COG6: variants seen among roughly 807,000 people sequenced by gnomAD.
COG6 encodes conserved oligomeric Golgi complex subunit 6.
COG6 carries 74 observed loss-of-function variants against 88.8 expected under a neutral mutation model. The ratio of observed to expected loss-of-function variants is 0.83; its 90% CI spans 0.69 to 1.01. The LOEUF (loss-of-function observed/expected upper bound fraction) is 1.01. Among genes scored for constraint, COG6 ranks in the 50% least tolerant of loss-of-function variants. The probability of loss-of-function intolerance (pLI) is 0.00; values close to 1 mark genes in which losing one functional copy is unlikely to be tolerated. For synonymous variants in COG6, 286 were observed against 278.7 expected (o/e 1.03, Z -0.26); for missense variants, 800 against 797.9 (o/e 1.00, Z -0.03).
chr13:39,704,260 T>C lies in COG6; in HGVS notation c.1284+4642T>C, dbSNP rs117519420. On this transcript the variant is annotated intron_variant, in intron 13 of 18. Coordinates refer to ENST00000455146, the MANE Select transcript of COG6 (RefSeq NM_020751.3). ...TGACTCCTGAACAACATGGGAGTTA[T>C]GATGCTGACCCCTGTGAAGTTGAAA... 1.7e-3 allele frequency among the ~76,000 whole-genome samples: 263 copies of C among 152,298 alleles called. 1 individual carries two copies. The highest frequency in any genetic ancestry group is 3.4e-3 in the Middle Eastern group (1 of 294).
At chr13:39,782,713 T>C (rs1270007351) in intron 18 of COG6, among the ~76,000 whole-genome samples, 3 of 151,886 alleles carry the variant, frequency 2.0e-5, no homozygotes, top group Admixed American at 6.6e-5. Flanking sequence ...AGGGGCTGCC[T>C]CCCCCCATCA....
In COG6 at chr13:39,752,582, T is replaced by G; in HGVS notation, c.*1489T>G. 3.2e-6 allele frequency: 4 copies of G among 1,263,442 alleles called. No homozygotes were observed. The South Asian group carries it at 5.2e-5, about 16-fold the overall frequency. The allele number at this position is 1,263,442 out of a possible 1,614,324, so 78.3% of individuals were successfully genotyped here. ...AATTCCTTTGTTTTATAGGGAAAAT[T>G]TATTGTGCTTTTTACCTGGTTTTTT... On this transcript the variant is annotated 3_prime_UTR_variant, in exon 19 of 19. Coordinates refer to ENST00000455146, the MANE Select transcript of COG6 (RefSeq NM_020751.3).
At chr13:39,727,025 A>G (rs1209592763) in intron 17 of COG6, among the ~76,000 whole-genome samples, 1 of 152,008 alleles carries the variant, frequency 6.6e-6, no homozygotes, top group East Asian at 1.9e-4. Flanking sequence ...GAAGCTAGGG[A>G]CTATCCTTTT....
At chr13:39,768,397 C>T (rs914727125) in intron 18 of COG6, among the ~76,000 whole-genome samples, 1 of 152,186 alleles carries the variant, frequency 6.6e-6, no homozygotes, top group Non-Finnish European at 1.5e-5. Context: ...AATTTCCTGG[C>T]CCACCCAGTG....
intron 4 of COG6, among the ~76,000 whole-genome samples, chr13:39,668,891 C>G (rs921165316): frequency 6.6e-6 from 1 of 152,012 alleles, no homozygotes; most frequent in African/African-American, 2.4e-5. Context: ...AGTATGGTAC[C>G]ACAACTAGGA....
At chr13:39,749,329 C>A (rs1434081571) in intron 18 of COG6, among the ~76,000 whole-genome samples, 1 of 152,142 alleles carries the variant, frequency 6.6e-6, no homozygotes, top group Non-Finnish European at 1.5e-5. Flanking sequence ...GACATGTGAA[C>A]ATAAACAGTG....
chr13:39,737,181 C>G (rs1001750037), intron 18 of COG6, among the ~76,000 whole-genome samples: 1 of 152,158 alleles, frequency 6.6e-6, no homozygotes, highest in Non-Finnish European at 1.5e-5. Context: ...GAGTCTCCCT[C>G]TCTGTACTGA....
At chr13:39,780,426 C>G (rs1881594938) in intron 18 of COG6, among the ~76,000 whole-genome samples, 1 of 152,096 alleles carries the variant, frequency 6.6e-6, no homozygotes, top group Non-Finnish European at 1.5e-5. Context: ...AAGAAATGTC[C>G]CTTCTATTCA....
intron 1 of COG6, among the ~76,000 whole-genome samples, chr13:39,659,014 T>C (rs1444835441): frequency 6.6e-6 from 1 of 150,912 alleles, no homozygotes; most frequent in Non-Finnish European, 1.5e-5. Context: ...TTAACATATC[T>C]CAAAGCTTAT....
At chr13:39,665,265 C>G (rs1350363591) in intron 4 of COG6, 111 bp downstream of exon 4, 5 of 689,746 alleles carry the variant, frequency 7.2e-6, no homozygotes, top group Admixed American at 4.7e-5. Context: ...AAACATGGTT[C>G]ATAAGGTCCT....
At chr13:39,665,074 T>A in intron 3 of COG6, 22 bp from the exon 4 acceptor site, 1 of 1,096,108 alleles carries the variant, frequency 9.1e-7, no homozygotes, top group Non-Finnish European at 1.4e-6. Context: ...TTTACTTATA[T>A]TAGATATGTT....
chr13:39,658,318 A>ATT (rs200530456), intron 1 of COG6, among the ~76,000 whole-genome samples: 2 of 151,282 alleles, frequency 1.3e-5, no homozygotes, highest in Non-Finnish European at 2.9e-5. Context: ...TAATTTTTTG[A>ATT]TTTTTTTATA....
At chr13:39,762,323 G>C (rs1881043269) in intron 18 of COG6, among the ~76,000 whole-genome samples, 1 of 151,874 alleles carries the variant, frequency 6.6e-6, no homozygotes. Context: ...TGATCTCATA[G>C]AAGTAGAAAG....
chr13:39,750,075 T>G (rs1165148361), intron 18 of COG6, among the ~76,000 whole-genome samples: 3 of 152,154 alleles, frequency 2.0e-5, no homozygotes, highest in Non-Finnish European at 4.4e-5. Flanking sequence ...AGTAGGAAAC[T>G]ACAAGAAAAG....
chr13:39,679,414 A>G (rs1433949960), intron 5 of COG6, 124 bp from the exon 6 acceptor site: 1 of 693,976 alleles, frequency 1.4e-6, no homozygotes, highest in African/African-American at 1.8e-5. Flanking sequence ...AGTTGAGATC[A>G]GTATAGGAAG....
intron 18 of COG6, among the ~76,000 whole-genome samples, chr13:39,775,469 G>A (rs997289616): frequency 1.3e-5 from 2 of 152,136 alleles, no homozygotes; most frequent in East Asian, 3.9e-4. Context: ...GATGAAGAAC[G>A]AGGACATCTG....
At chr13:39,672,739 T>A (rs369898177) in intron 4 of COG6, among the ~76,000 whole-genome samples, 29 of 152,102 alleles carry the variant, frequency 1.9e-4, no homozygotes, top group Admixed American at 2.6e-4. Context: ...GGGCATGTTT[T>A]ATTCCTCTTA....
At chr13:39,703,622 A>G (rs1467712763) in intron 13 of COG6, among the ~76,000 whole-genome samples, 1 of 152,254 alleles carries the variant, frequency 6.6e-6, no homozygotes, top group East Asian at 1.9e-4. Context: ...TCCATGCTTG[A>G]AAGTATTCCC....
intron 18 of COG6, among the ~76,000 whole-genome samples, chr13:39,770,029 C>T (rs1566044899): frequency 6.6e-6 from 1 of 152,206 alleles, no homozygotes; most frequent in Non-Finnish European, 1.5e-5. Context: ...AGCAGTCATG[C>T]TGTTGAACTC....
Sources: allele counts gnomAD v4.1 joint callset (sites outside exome capture counted in the v4.1 genomes callset), GRCh38; gene constraint gnomAD v4.1.1; transcripts MANE v1.5; gene names NCBI Gene and HGNC (gene_info 2026-07-23, HGNC 2026-07-21).